The following TANC2 variants were observed in gnomAD, a reference collection of about 807,000 sequenced individuals.
The protein encoded by TANC2 is protein TANC2.
TANC2 carries 26 observed loss-of-function variants against 210.5 expected under a neutral mutation model. The ratio of observed to expected loss-of-function variants is 0.12; its 90% CI spans 0.09 to 0.17. The LOEUF is 0.17. Among genes scored for constraint, TANC2 ranks in the 10% least tolerant of loss-of-function variants. TANC2 has a pLI of 1.00. For missense variants in TANC2, 2,129 were observed against 2,608.9 expected (o/e 0.82, Z 4.01); for synonymous variants, 931 against 967.1 (o/e 0.96, Z 0.69).
At chr17:63,021,432 T>C (rs1027905223) in intron 2 of TANC2, among the ~76,000 whole-genome samples, 1 of 152,160 alleles carries the variant, frequency 6.6e-6, no homozygotes, top group Admixed American at 6.5e-5. Flanking sequence ...CTGGTTGTTA[T>C]AAAGCAGGTC....
rs144080993 is a variant in TANC2, at chr17:63,324,362, C to T, written c.1575+5272C>T. Reference sequence around the variant, plus strand: ...ACTATACCAGGGGGTGTCAAATGATCATGGTTCCTGAAATTGTTGCAGTCA... The same window carrying T: ...ACTATACCAGGGGGTGTCAAATGATTATGGTTCCTGAAATTGTTGCAGTCA... On this transcript the variant is annotated intron_variant, in intron 11 of 27. Coordinates refer to ENST00000689528, the Ensembl canonical transcript of TANC2. Among the ~76,000 whole-genome samples the T allele has an allele frequency of 9.9e-3, 1,502 of 152,242 alleles. 14 individuals carry two copies. Among genetic ancestry groups the T allele is most frequent in the South Asian group, 0.016 (77 of 4,818 alleles).
At chr17:63,227,376 G>A (rs2042355642) in intron 7 of TANC2, among the ~76,000 whole-genome samples, 1 of 152,032 alleles carries the variant, frequency 6.6e-6, no homozygotes, top group African/African-American at 2.4e-5. Flanking sequence ...TTTTTCATAC[G>A]TTGGCTGCAT....
chr17:63,319,433 T>C (rs1241297435), intron 11 of TANC2, among the ~76,000 whole-genome samples: 23 of 152,310 alleles, frequency 1.5e-4, no homozygotes, highest in Middle Eastern at 3.4e-3. Flanking sequence ...CAGCCTCCAC[T>C]TCCCAGGTTC....
intron 3 of TANC2, among the ~76,000 whole-genome samples, chr17:63,097,777 G>A (rs994578763): frequency 1.7e-4 from 26 of 152,054 alleles, no homozygotes; most frequent in African/African-American, 6.0e-4. Context: ...ATCCTTTGTT[G>A]CATACAGTTT....
Position 63,258,197 on chromosome 17 carries a change from AG to A in TANC2, c.1034-9549del, listed in dbSNP as rs371710510. Among the ~76,000 whole-genome samples the A allele has an allele frequency of 1.5e-3, 232 of 152,180 alleles. 1 individual carries two copies. Among genetic ancestry groups the A allele is most frequent in the African/African-American group, 5.4e-3 (225 of 41,502 alleles). ...TCATGCCATTCTTTACTGGCCTGTA[AG>A]GTTTCCACTGAGAAGTCTGTTGCCA... is the stretch of plus-strand genomic sequence containing the variant. On this transcript the variant is annotated intron_variant, in intron 8 of 27. Transcript: ENST00000689528.
intron 10 of TANC2, among the ~76,000 whole-genome samples, chr17:63,316,666 C>T (rs1013455074): frequency 2.6e-5 from 4 of 152,064 alleles, no homozygotes; most frequent in East Asian, 1.9e-4. Context: ...GCTAAATATG[C>T]GGTTCTATAT....
intron 4 of TANC2, among the ~76,000 whole-genome samples, chr17:63,104,888 A>G (rs556686580): frequency 1.3e-5 from 2 of 151,822 alleles, no homozygotes; most frequent in South Asian, 2.1e-4. Context: ...CTGTACTTCA[A>G]TTCCCTTATT....
At chr17:63,051,772 T>C (rs536449105) in intron 2 of TANC2, among the ~76,000 whole-genome samples, 2 of 152,310 alleles carry the variant, frequency 1.3e-5, no homozygotes, top group African/African-American at 4.8e-5. Flanking sequence ...GTCAACACTT[T>C]ATTAGAAGAT....
At chr17:63,190,460 A>C (rs1329525873) in intron 5 of TANC2, among the ~76,000 whole-genome samples, 2 of 152,208 alleles carry the variant, frequency 1.3e-5, no homozygotes, top group Non-Finnish European at 2.9e-5. Context: ...CGTTGTAATA[A>C]ATTTTGAAAA....
exon 14 of TANC2, chr17:63,355,293 C>T (rs767201600): frequency 8.7e-6 from 14 of 1,612,936 alleles, no homozygotes; most frequent in Admixed American, 1.7e-5. Flanking sequence ...CCTAATCAAG[C>T]GCAGAGACAT....
At chr17:63,303,061 C>T (rs530323816) in intron 9 of TANC2, among the ~76,000 whole-genome samples, 52 of 152,068 alleles carry the variant, frequency 3.4e-4, no homozygotes, top group Non-Finnish European at 6.8e-4. Context: ...TGTGCCCGGT[C>T]ATCTGTGTCT....
At chr17:63,355,243 G>C (rs540526600) in exon 14 of TANC2, 1 of 1,613,642 alleles carries the variant, frequency 6.2e-7, no homozygotes, top group Non-Finnish European at 8.5e-7. Context: ...ACACTAGAAT[G>C]GGAGGATTTT....
At chr17:63,001,585 C>T (rs1259764000) in intron 1 of TANC2, among the ~76,000 whole-genome samples, 1 of 148,640 alleles carries the variant, frequency 6.7e-6, no homozygotes, top group Non-Finnish European at 1.5e-5. Context: ...TGGAGTCTCC[C>T]TCTGTTGCCC....
chr17:63,191,809 A>C (rs1044684924), intron 5 of TANC2, among the ~76,000 whole-genome samples: 1 of 152,146 alleles, frequency 6.6e-6, no homozygotes, highest in African/African-American at 2.4e-5. Flanking sequence ...TTTATTTTAA[A>C]ATAGGAAATG....
intron 14 of TANC2, among the ~76,000 whole-genome samples, chr17:63,374,722 AG>A (rs2047374345): frequency 6.6e-6 from 1 of 152,208 alleles, no homozygotes; most frequent in African/African-American, 2.4e-5. Flanking sequence ...TGAAAGGATA[AG>A]GTAAAAAGGT....
At chr17:63,313,530 G>A (rs772931183) in intron 9 of TANC2, 4 of 152,138 alleles carry the variant, frequency 2.6e-5, no homozygotes, top group Admixed American at 1.3e-4. Context: ...AATTATATAA[G>A]CACAGAAAAA....
chr17:63,392,073 T>TC (rs1282667200), intron 17 of TANC2, among the ~76,000 whole-genome samples: 6 of 152,110 alleles, frequency 3.9e-5, no homozygotes, highest in Non-Finnish European at 8.8e-5. Flanking sequence ...GCTGCCCCTC[T>TC]CTTCTTCTTC....
At chr17:63,249,459 G>T (rs2042998863) in intron 8 of TANC2, among the ~76,000 whole-genome samples, 1 of 152,128 alleles carries the variant, frequency 6.6e-6, no homozygotes, top group Non-Finnish European at 1.5e-5. Flanking sequence ...GTGAATTAGA[G>T]GGATGTGGGA....
At chr17:63,397,474 A>G (rs1208272064) in intron 18 of TANC2, among the ~76,000 whole-genome samples, 1 of 152,244 alleles carries the variant, frequency 6.6e-6, no homozygotes, top group Admixed American at 6.5e-5. Context: ...TTGCCGTTAA[A>G]TCTGATATGT....
Sources: gnomAD v4.1 joint callset for allele counts (sites outside exome capture counted in the v4.1 genomes callset) on GRCh38, gnomAD v4.1.1 for gene constraint, MANE v1.5 for transcripts, NCBI Gene and HGNC (gene_info 2026-07-23, HGNC 2026-07-21) for gene names.